Variants in ATP11A observed in about 807,000 individuals in gnomAD.
ATP11A encodes the protein ATPase phospholipid transporting 11A.
Under a neutral mutation model 154.4 loss-of-function variants are expected in ATP11A, and 81 were observed. The ratio of observed to expected loss-of-function variants is 0.52; its 90% confidence interval spans 0.44 to 0.63. The LOEUF (loss-of-function observed/expected upper bound fraction) is 0.63, where lower values mean the gene tolerates loss of function less well. Ranked by LOEUF, ATP11A falls within the 30% of genes least tolerant of loss-of-function variation. The pLI is 0.00. For missense variants in ATP11A, 1,316 were observed against 1,474.3 expected, an observed-to-expected ratio of 0.89 and a Z score of 1.76; for synonymous variants, 623 against 585.9, an observed-to-expected ratio of 1.06 and a Z score of -0.91.
At chr13:112,871,167 T>A (rs1379215128) in intron 25 of ATP11A, among the ~76,000 whole-genome samples, 2 of 152,146 alleles carry the variant, frequency 1.3e-5, no homozygotes, top group African/African-American at 4.8e-5. Flanking sequence ...CTGCATTTAC[T>A]CGCAGAACGT....
intron 1 of ATP11A, among the ~76,000 whole-genome samples, chr13:112,769,292 C>T (rs1594620685): frequency 6.6e-6 from 1 of 152,232 alleles, no homozygotes; most frequent in Admixed American, 6.5e-5. Context: ...CCTGCAGCCC[C>T]GCCCTCCTCT....
Position 112,785,418 on chromosome 13 carries a change from C to T in ATP11A, c.162+161C>T, listed in dbSNP as rs555162765. Among the ~76,000 whole-genome samples, 3 of 151,944 alleles carry T rather than the reference C, an allele frequency of 2.0e-5. No individual in the cohort carries two copies. The highest frequency in any genetic ancestry group is 1.3e-4 in the Admixed American group (2 of 15,254). ...CTTCGGATCAGGACCTCACCGAGGG[C>T]GCTACTCTCTCCCTCTCGGTGACTG... On this transcript the variant is annotated intron_variant, in intron 2 of 29. Coordinates refer to ENST00000375645, the MANE Select transcript of ATP11A (RefSeq NM_015205.3). The surrounding 1 kb of genome is among the most constrained non-coding windows in gnomAD (Gnocchi z 4.8).
chr13:112,857,239 TGGG>T lies in ATP11A; in HGVS notation c.2419-574_2419-572del, dbSNP rs71208919. Among the ~76,000 whole-genome samples the T allele has an allele frequency of 2.0e-5, 3 of 152,078 alleles. No homozygotes were observed. In the East Asian group the frequency reaches 5.8e-4, roughly 29 times the overall value. ...GAACTGTTACATTTAGGCACATAGATGGGGGGGAAAAGATTATAAAGAAATTGA... is the reference window on the plus strand; with the variant it reads ...GAACTGTTACATTTAGGCACATAGATGGGGAAAAGATTATAAAGAAATTGA... On this transcript the variant is annotated intron_variant, in intron 20 of 29. Transcript: ENST00000375645.
intron 2 of ATP11A, among the ~76,000 whole-genome samples, chr13:112,801,933 G>A (rs1382071669): frequency 6.6e-6 from 1 of 152,186 alleles, no homozygotes; most frequent in African/African-American, 2.4e-5. Flanking sequence ...TATATGGAAA[G>A]GCAAAAGACC....
chr13:112,734,938 CAG>C (rs1401120562), intron 1 of ATP11A, among the ~76,000 whole-genome samples: 1 of 152,188 alleles, frequency 6.6e-6, no homozygotes, highest in Non-Finnish European at 1.5e-5. Context: ...TGCCAGGAGA[CAG>C]AGAAGACGGC....
At chr13:112,840,606 A>G (rs925382263) in intron 16 of ATP11A, among the ~76,000 whole-genome samples, 4 of 146,756 alleles carry the variant, frequency 2.7e-5, no homozygotes, top group Non-Finnish European at 4.5e-5. Flanking sequence ...TTTGCTCGGC[A>G]CTGGTTTGCT....
At chr13:112,765,374 G>T (rs541054213) in intron 1 of ATP11A, among the ~76,000 whole-genome samples, 3 of 152,202 alleles carry the variant, frequency 2.0e-5, no homozygotes, top group Admixed American at 2.0e-4. Context: ...CCTGGCCTGG[G>T]GGGGTCGTGG....
chr13:112,853,837 A>T (rs1479237664), intron 18 of ATP11A, among the ~76,000 whole-genome samples: 1 of 152,210 alleles, frequency 6.6e-6, no homozygotes, highest in East Asian at 1.9e-4. Context: ...TCTAAGTGAC[A>T]AACTTAGAAC....
chr13:112,741,460 G>A lies in ATP11A; in HGVS notation c.40-43675G>A, dbSNP rs75111036. On this transcript the variant is annotated intron_variant, in intron 1 of 29. Transcript: ENST00000375645. ...CTGTGGGGCAGATGAACTCTCTGGGGGCACCTGTCATGGTGGAGGGCAGAG... is the reference window on the plus strand; with the variant it reads ...CTGTGGGGCAGATGAACTCTCTGGGAGCACCTGTCATGGTGGAGGGCAGAG... 6.2e-3 allele frequency among the ~76,000 whole-genome samples: 948 copies of A among 152,310 alleles called. 13 individuals carry two copies. The highest frequency in any genetic ancestry group is 0.022 in the African/African-American group (909 of 41,564).
At chr13:112,835,823 C>G (rs1189244984) in intron 15 of ATP11A, among the ~76,000 whole-genome samples, 1 of 152,250 alleles carries the variant, frequency 6.6e-6, no homozygotes, top group African/African-American at 2.4e-5. Context: ...GATCCAATCT[C>G]TGACACAACT....
intron 1 of ATP11A, among the ~76,000 whole-genome samples, chr13:112,708,554 A>G (rs1887407310): frequency 6.6e-6 from 1 of 152,256 alleles, no homozygotes; most frequent in African/African-American, 2.4e-5. Flanking sequence ...TAAAAGGAGT[A>G]TTAATGGCTT....
At chr13:112,741,296 C>G (rs1410270925) in intron 1 of ATP11A, among the ~76,000 whole-genome samples, 1 of 140,636 alleles carries the variant, frequency 7.1e-6, no homozygotes, top group East Asian at 2.1e-4. Flanking sequence ...GGGGCAGGAG[C>G]TGTAGTCGGG....
chr13:112,762,516 G>A (rs905629302), intron 1 of ATP11A, among the ~76,000 whole-genome samples: 1 of 152,006 alleles, frequency 6.6e-6, no homozygotes, highest in Non-Finnish European at 1.5e-5. Context: ...TGGTTCGGAG[G>A]AGACCACGAT....
rs200543082 is a variant in ATP11A at position 112,769,136 on chromosome 13, C to G, written c.40-15999C>G. Among the ~76,000 whole-genome samples the G allele has an allele frequency of 5.3e-5, 8 of 152,286 alleles. No individual in the cohort carries two copies. In the East Asian group the frequency reaches 1.5e-3, roughly 29 times the overall value. On this transcript the variant is annotated intron_variant, in intron 1 of 29. Transcript: ENST00000375645. ...GGGCCCCATGGGCTGCCCCCCGGCT[C>G]CTCCTTCCAGGCTCCTACCCTTCCC...
At chr13:112,800,007 T>A (rs1022154868) in intron 2 of ATP11A, among the ~76,000 whole-genome samples, 3 of 152,128 alleles carry the variant, frequency 2.0e-5, no homozygotes, top group African/African-American at 7.2e-5. Context: ...ATATAACTTA[T>A]CAAATCTTGT....
intron 1 of ATP11A, among the ~76,000 whole-genome samples, chr13:112,733,997 T>A (rs1890746941): frequency 6.6e-6 from 1 of 152,226 alleles, no homozygotes; most frequent in African/African-American, 2.4e-5. Flanking sequence ...AAATACTCAT[T>A]GAGTTTCTAT....
At chr13:112,839,879 TTA>T (rs2079346314) in intron 16 of ATP11A, among the ~76,000 whole-genome samples, 1 of 152,212 alleles carries the variant, frequency 6.6e-6, no homozygotes, top group Admixed American at 6.5e-5. Context: ...GAATGCATCA[TTA>T]TGTCATTTGG....
At chr13:112,763,982 T>G (rs2077018264) in intron 1 of ATP11A, among the ~76,000 whole-genome samples, 2 of 152,262 alleles carry the variant, frequency 1.3e-5, no homozygotes, top group Non-Finnish European at 2.9e-5. Context: ...GTTTTAACTT[T>G]GGCAAAATAA....
In ATP11A at chr13:112,873,554, CTT is replaced by C. The variant is rs112313900; in HGVS notation, c.3058-10_3058-9del. 1.2e-5 allele frequency: 16 copies of C among 1,369,704 alleles called. No individual in the cohort carries two copies. Among genetic ancestry groups the C allele is most frequent in the Admixed American group, 4.2e-5 (2 of 48,132 alleles). 84.8% of individuals were successfully genotyped at this position (1,369,704 alleles called of 1,614,324 possible). A position where few individuals can be genotyped will look rare whatever the true frequency, so the allele number is the denominator to read the frequency against. On this transcript the variant is annotated splice_polypyrimidine_tract_variant and intron_variant, in intron 26 of 29. Transcript: ENST00000375645. Reference sequence around the variant, plus strand: ...TGCTCAGATGACACCGTTAACTGCCCTTTTTTTTTTCCTTTTAGCTTGCATTG... The same window carrying C: ...TGCTCAGATGACACCGTTAACTGCCCTTTTTTTTCCTTTTAGCTTGCATTG...
Sources: allele counts gnomAD v4.1 joint callset (sites outside exome capture counted in the v4.1 genomes callset), GRCh38; gene constraint gnomAD v4.1.1; non-coding constraint Gnocchi (gnomAD v3.1); transcripts MANE v1.5; gene names NCBI Gene and HGNC (gene_info 2026-07-23, HGNC 2026-07-21).